DPH6: variants seen among roughly 807,000 people sequenced by gnomAD.
DPH6 encodes the protein diphthine--ammonia ligase.
A neutral mutation model predicts 38.2 loss-of-function variants in DPH6; 33 were observed. The ratio of observed to expected loss-of-function variants is 0.86; its 90% CI spans 0.65 to 1.15. The LOEUF is 1.15. DPH6 is among the 50% of genes most tolerant of loss of function. The pLI is 0.00. For synonymous variants in DPH6, 108 were observed against 103.0 expected (o/e 1.05, Z -0.30); for missense variants, 325 against 320.0 (o/e 1.02, Z -0.12).
chr15:35,345,578 T>C (rs921490315), intron 3 of DPH6, among the ~76,000 whole-genome samples: 2 of 151,964 alleles, frequency 1.3e-5, no homozygotes, highest in Non-Finnish European at 2.9e-5. Context: ...CTTGCATCCC[T>C]AGAATAACCT....
chr15:35,180,457 T>C, the DPH6 span, among the ~76,000 whole-genome samples: 1 of 144,384 alleles, frequency 6.9e-6, no homozygotes, highest in Admixed American at 6.9e-5. Context: ...GCCCAGTGGG[T>C]TCCACAATGC....
At chr15:35,488,370 G>T (rs1440469718) in intron 3 of DPH6, among the ~76,000 whole-genome samples, 1 of 152,124 alleles carries the variant, frequency 6.6e-6, no homozygotes, top group Non-Finnish European at 1.5e-5. Flanking sequence ...AACTACATAA[G>T]ACATGGTAAT....
intron 7 of DPH6, among the ~76,000 whole-genome samples, chr15:35,378,404 T>C (rs1339755773): frequency 6.6e-6 from 1 of 152,204 alleles, no homozygotes; most frequent in African/African-American, 2.4e-5. Context: ...TCAACCATTA[T>C]GGAAGACAGT....
intron 3 of DPH6, among the ~76,000 whole-genome samples, chr15:35,227,280 T>C (rs2051489018): frequency 7.0e-6 from 1 of 142,576 alleles, no homozygotes; most frequent in African/African-American, 2.6e-5. Context: ...GCCTCCCGGG[T>C]TCATGCCATT....
chr15:35,397,751 A>G (rs1465981482), intron 6 of DPH6, among the ~76,000 whole-genome samples: 1 of 152,172 alleles, frequency 6.6e-6, no homozygotes, highest in Non-Finnish European at 1.5e-5. Flanking sequence ...CTACCCTGGC[A>G]GAATGCTGGA....
chr15:35,489,506 A>C (rs1474775559), intron 3 of DPH6: 20 of 982,888 alleles, frequency 2.0e-5, no homozygotes, highest in Non-Finnish European at 2.3e-5. Flanking sequence ...CTAGAATTAT[A>C]GCCAGAACTT....
chr15:35,280,875 T>C (rs751174194), intron 3 of DPH6, among the ~76,000 whole-genome samples: 5 of 152,188 alleles, frequency 3.3e-5, no homozygotes, highest in East Asian at 1.9e-4. Context: ...ATCTAGATCA[T>C]TGTTGGACAG....
chr15:35,458,104 T>C (rs1309929557), intron 3 of DPH6, among the ~76,000 whole-genome samples: 1 of 152,228 alleles, frequency 6.6e-6, no homozygotes, highest in Non-Finnish European at 1.5e-5. Flanking sequence ...GCTGCCATAC[T>C]GTATTTTTAA....
At chr15:35,428,392 A>G (rs2053594474) in intron 5 of DPH6, among the ~76,000 whole-genome samples, 1 of 152,056 alleles carries the variant, frequency 6.6e-6, no homozygotes, top group Non-Finnish European at 1.5e-5. Context: ...GGGTGGAGCC[A>G]GAAGCCATCA....
chr15:35,383,282 C>T (rs995166929), intron 6 of DPH6, among the ~76,000 whole-genome samples: 2 of 152,102 alleles, frequency 1.3e-5, no homozygotes, highest in African/African-American at 4.8e-5. Flanking sequence ...TATGTTAAAC[C>T]AAAATATTAC....
At chr15:35,521,606 C>T in intron 3 of DPH6, 1 of 1,229,024 alleles carries the variant, frequency 8.1e-7, no homozygotes. Context: ...TCATCTACCA[C>T]AGGATGACTA....
At chr15:35,244,831 C>T (rs1338398829) in intron 3 of DPH6, among the ~76,000 whole-genome samples, 1 of 152,104 alleles carries the variant, frequency 6.6e-6, no homozygotes, top group African/African-American at 2.4e-5. Flanking sequence ...TAGGTAAGGG[C>T]CTATGAGCCT....
At chr15:35,204,762 C>A in the DPH6 span, among the ~76,000 whole-genome samples, 1 of 151,700 alleles carries the variant, frequency 6.6e-6, no homozygotes, top group Non-Finnish European at 1.5e-5. Flanking sequence ...TCCCAACATA[C>A]AAAATTTAAA....
At chr15:35,257,943 C>T (rs947424224) in intron 3 of DPH6, among the ~76,000 whole-genome samples, 3 of 152,098 alleles carry the variant, frequency 2.0e-5, no homozygotes, top group Non-Finnish European at 4.4e-5. Context: ...CGTTATCAAG[C>T]GGCTACTTAA....
intron 6 of DPH6, among the ~76,000 whole-genome samples, chr15:35,395,265 G>A (rs139213663): frequency 6.8e-4 from 103 of 152,062 alleles, no homozygotes; most frequent in African/African-American, 2.3e-3. Context: ...ACTGTCAATG[G>A]TTAAATACCG....
intron 3 of DPH6, among the ~76,000 whole-genome samples, chr15:35,486,385 T>C (rs772352273): frequency 2.6e-5 from 4 of 151,832 alleles, no homozygotes; most frequent in Non-Finnish European, 4.4e-5. Context: ...GAAAAAAGGT[T>C]TAACTGATTC....
At chr15:35,491,303 G>A (rs528351589) in intron 3 of DPH6, among the ~76,000 whole-genome samples, 1 of 152,084 alleles carries the variant, frequency 6.6e-6, no homozygotes, top group Admixed American at 6.6e-5. Context: ...GAGTAAACAC[G>A]AGCACCATCA....
At chr15:35,214,111 CAAA>C (rs202243463), downstream of DPH6, among the ~76,000 whole-genome samples, 21 of 85,506 alleles carry the variant, frequency 2.5e-4, no homozygotes, top group Middle Eastern at 7.6e-3. Flanking sequence ...GACTCCGTCT[CAAA>C]AAAAAAAAAA....
Position 35,291,948 on chromosome 15 carries a change from T to C in DPH6, n.201-71366A>G, listed in dbSNP as rs527415896. On this transcript the variant is annotated intron_variant and non_coding_transcript_variant, in intron 3 of 3. Coordinates refer to the DPH6 transcript ENST00000560386. ...TTTTGTTCAGTTCTCTTTGCTCACT[T>C]AGTTTTTTTCTGACCTTAGTCACTG... 2.0e-5 allele frequency among the ~76,000 whole-genome samples: 3 copies of C among 152,240 alleles called. No homozygotes were observed. In the South Asian group the frequency reaches 6.2e-4, roughly 32 times the overall value.
Sources: allele counts gnomAD v4.1 joint callset (sites outside exome capture counted in the v4.1 genomes callset), GRCh38; gene constraint gnomAD v4.1.1; transcripts MANE v1.5; gene names NCBI Gene and HGNC (gene_info 2026-07-23, HGNC 2026-07-21).